Variants in HS6ST3 observed in about 807,000 individuals in gnomAD.
HS6ST3 encodes the protein heparan-sulfate 6-O-sulfotransferase 3.
HS6ST3 carries 12 observed loss-of-function variants against 36.7 expected under a neutral mutation model. The observed-to-expected ratio is 0.33, with a 90% CI of 0.21 to 0.53. The LOEUF is 0.53. Ranked by LOEUF, HS6ST3 falls within the 20% of genes least tolerant of loss-of-function variation. The pLI, the probability that HS6ST3 is intolerant of heterozygous loss-of-function variation, is 0.95. For synonymous variants in HS6ST3, 240 were observed against 257.5 expected, an observed-to-expected ratio of 0.93 and a Z score of 0.65; for missense variants, 584 against 640.9, an observed-to-expected ratio of 0.91 and a Z score of 0.96.
At chr13:96,737,731 G>A (rs1876323952) in intron 1 of HS6ST3, among the ~76,000 whole-genome samples, 1 of 151,266 alleles carries the variant, frequency 6.6e-6, no homozygotes, top group Admixed American at 6.6e-5. Flanking sequence ...AACTGTTTCA[G>A]ATTATGTAAA....
At chr13:96,794,026 A>G (rs1877853644) in intron 1 of HS6ST3, among the ~76,000 whole-genome samples, 2 of 152,020 alleles carry the variant, frequency 1.3e-5, no homozygotes, top group Non-Finnish European at 2.9e-5. Flanking sequence ...GTTCTTATTG[A>G]TTGACTACTG....
chr13:96,237,696 T>G (rs1676036132), intron 1 of HS6ST3, among the ~76,000 whole-genome samples: 1 of 152,236 alleles, frequency 6.6e-6, no homozygotes, highest in African/African-American at 2.4e-5. Flanking sequence ...CAGTTGAAAC[T>G]GTTCTCATCA....
At chr13:96,636,171 G>A (rs992660204) in intron 1 of HS6ST3, among the ~76,000 whole-genome samples, 19 of 152,168 alleles carry the variant, frequency 1.2e-4, no homozygotes, top group Admixed American at 5.9e-4. Flanking sequence ...GTACATTTGC[G>A]TTTGCCAGGG....
At chr13:96,318,032 G>A (rs113950596) in intron 1 of HS6ST3, among the ~76,000 whole-genome samples, 3,859 of 152,038 alleles carry the variant, frequency 0.025, 165 homozygotes, top group African/African-American at 0.089. Context: ...TTCTTTTGGC[G>A]TGCAGAAGCT....
At chr13:96,750,680 G>A (rs1876679391) in intron 1 of HS6ST3, among the ~76,000 whole-genome samples, 2 of 152,138 alleles carry the variant, frequency 1.3e-5, no homozygotes, top group African/African-American at 4.8e-5. Flanking sequence ...CTTCTGTTGA[G>A]GGGAAACAAT....
chr13:96,551,141 A>T (rs2056217938), intron 1 of HS6ST3, among the ~76,000 whole-genome samples: 1 of 152,208 alleles, frequency 6.6e-6, no homozygotes, highest in South Asian at 2.1e-4. Context: ...TGAAAACCAA[A>T]TTCAAATTCA....
At chr13:96,530,875 A>C (rs923646532) in intron 1 of HS6ST3, among the ~76,000 whole-genome samples, 3 of 152,162 alleles carry the variant, frequency 2.0e-5, no homozygotes, top group African/African-American at 7.2e-5. Flanking sequence ...TGTGCATTAG[A>C]ATCACCTGGG....
chr13:96,424,752 C>A (rs2055578182), intron 1 of HS6ST3, among the ~76,000 whole-genome samples: 1 of 152,092 alleles, frequency 6.6e-6, no homozygotes, highest in Non-Finnish European at 1.5e-5. Context: ...CTTCAAATAC[C>A]ATTACACTGC....
chr13:96,585,561 C>T (rs1208570511), intron 1 of HS6ST3, among the ~76,000 whole-genome samples: 3 of 152,024 alleles, frequency 2.0e-5, no homozygotes, highest in Non-Finnish European at 1.5e-5. Context: ...GAAGTTATTC[C>T]TCCTAACTCA....
intron 1 of HS6ST3, among the ~76,000 whole-genome samples, chr13:96,399,805 G>A (rs534852785): frequency 1.3e-5 from 2 of 152,310 alleles, no homozygotes; most frequent in African/African-American, 4.8e-5. Flanking sequence ...AGTTTAATAA[G>A]TTTATTTGTG....
chr13:96,566,609 A>G (rs763181245), intron 1 of HS6ST3, among the ~76,000 whole-genome samples: 6 of 152,190 alleles, frequency 3.9e-5, no homozygotes, highest in African/African-American at 7.2e-5. Flanking sequence ...AAGTCCCAAT[A>G]TGACAACTGG....
intron 1 of HS6ST3, among the ~76,000 whole-genome samples, chr13:96,135,274 A>G (rs560448666): frequency 1.3e-5 from 2 of 152,252 alleles, no homozygotes; most frequent in East Asian, 3.9e-4. Context: ...GGCTGCAGTT[A>G]TCACCGTGGA....
chr13:96,656,567 T>C (rs1015023773), intron 1 of HS6ST3, among the ~76,000 whole-genome samples: 1 of 152,116 alleles, frequency 6.6e-6, no homozygotes, highest in African/African-American at 2.4e-5. Context: ...AAACAAAATA[T>C]GTTGATGTGG....
At chr13:96,490,479 G>T (rs932715841) in intron 1 of HS6ST3, among the ~76,000 whole-genome samples, 11 of 152,084 alleles carry the variant, frequency 7.2e-5, no homozygotes, top group African/African-American at 2.7e-4. Flanking sequence ...TGATTAAAAT[G>T]AAAAAGTATT....
At chr13:96,198,000 T>C (rs1206843187) in intron 1 of HS6ST3, among the ~76,000 whole-genome samples, 1 of 152,206 alleles carries the variant, frequency 6.6e-6, no homozygotes, top group Non-Finnish European at 1.5e-5. Context: ...GAGCAGACTT[T>C]TGCCTGGGCA....
rs374442390 is a variant in HS6ST3, at chr13:96,448,219, G to A, written c.707+356650G>A. ...AGTTTCTTGGTTACCTTTAAAAATC[G>A]GCCCACTAAACATACATTTGACTGT... is the stretch of plus-strand genomic sequence containing the variant. On this transcript the variant is annotated intron_variant, in intron 1 of 1. Transcript: ENST00000376705. Among the ~76,000 whole-genome samples, 13 of 151,972 alleles carry A rather than the reference G, an allele frequency of 8.6e-5. No homozygotes were observed. The South Asian group carries it at 2.5e-3, about 29-fold the overall frequency.
intron 1 of HS6ST3, among the ~76,000 whole-genome samples, chr13:96,355,017 G>A (rs996645391): frequency 6.6e-6 from 1 of 151,746 alleles, no homozygotes; most frequent in African/African-American, 2.4e-5. Context: ...AAACTAACCA[G>A]CATTAGAATG....
chr13:96,258,377 A>G (rs2054647888), intron 1 of HS6ST3, among the ~76,000 whole-genome samples: 1 of 152,116 alleles, frequency 6.6e-6, no homozygotes, highest in Non-Finnish European at 1.5e-5. Context: ...AACAACAACA[A>G]AAACCCCAAG....
intron 1 of HS6ST3, among the ~76,000 whole-genome samples, chr13:96,394,602 C>G (rs1387585201): frequency 6.6e-6 from 1 of 152,128 alleles, no homozygotes; most frequent in African/African-American, 2.4e-5. Flanking sequence ...GTAGAAATAT[C>G]ATTTGTATAA....
Sources: gnomAD v4.1 joint callset for allele counts (sites outside exome capture counted in the v4.1 genomes callset) on GRCh38, gnomAD v4.1.1 for gene constraint, MANE v1.5 for transcripts, NCBI Gene and HGNC (gene_info 2026-07-23, HGNC 2026-07-21) for gene names.